Variants in NRG1 observed in about 807,000 individuals in gnomAD.
The protein encoded by NRG1 is neuregulin 1, also known as pro-neuregulin-1, membrane-bound isoform.
Under a neutral mutation model 63.8 loss-of-function variants are expected in NRG1, and 18 were observed. The ratio of observed to expected loss-of-function variants is 0.28; its 90% confidence interval spans 0.19 to 0.42. The LOEUF is 0.42. Among genes scored for constraint, NRG1 ranks in the 10% least tolerant of loss-of-function variants. The pLI is 1.00. For missense variants in NRG1, 762 were observed against 814.7 expected (o/e 0.94, Z 0.79); for synonymous variants, 302 against 301.3 (o/e 1.00, Z -0.02).
chr8:31,842,639 AC>A, intron 1 of NRG1, among the ~76,000 whole-genome samples: 1 of 110,430 alleles, frequency 9.1e-6, no homozygotes, highest in East Asian at 2.9e-4. Context: ...ATCATGTCTA[AC>A]TTTTTGTCTT....
intron 1 of NRG1, among the ~76,000 whole-genome samples, chr8:32,312,419 C>T (rs909040627): frequency 6.7e-6 from 1 of 149,034 alleles, no homozygotes. Context: ...AAGTGCTCCA[C>T]CTGCCTCGGC....
At chr8:31,669,944 G>A (rs1806952319) in intron 1 of NRG1, among the ~76,000 whole-genome samples, 1 of 152,116 alleles carries the variant, frequency 6.6e-6, no homozygotes, top group Non-Finnish European at 1.5e-5. Context: ...AGATGGTGGA[G>A]TATCTCAGGT....
intron 1 of NRG1, among the ~76,000 whole-genome samples, chr8:31,666,282 A>G (rs1323354728): frequency 6.6e-6 from 1 of 152,206 alleles, no homozygotes; most frequent in East Asian, 1.9e-4. Flanking sequence ...TAAGCTTTGC[A>G]TTAAAAAATA....
At chr8:31,791,390 T>C (rs2131664284) in intron 1 of NRG1, among the ~76,000 whole-genome samples, 1 of 152,244 alleles carries the variant, frequency 6.6e-6, no homozygotes, top group African/African-American at 2.4e-5. Context: ...CAGTAATTAT[T>C]CATTAGTACT....
chr8:32,771,276 ATTTTT>A (rs553989637), downstream of NRG1, among the ~76,000 whole-genome samples: 11 of 92,764 alleles, frequency 1.2e-4, no homozygotes, highest in East Asian at 2.7e-4. Context: ...ATGCCCAGCG[ATTTTT>A]TTTTTTTTTT....
At chr8:32,561,204 A>G (rs1836331813) in intron 1 of NRG1, among the ~76,000 whole-genome samples, 1 of 152,200 alleles carries the variant, frequency 6.6e-6, no homozygotes, top group Non-Finnish European at 1.5e-5. Flanking sequence ...ATGGCACTAT[A>G]TATGAATTCA....
intron 1 of NRG1, among the ~76,000 whole-genome samples, chr8:32,440,333 T>A (rs1403978770): frequency 6.6e-6 from 1 of 152,092 alleles, no homozygotes; most frequent in Non-Finnish European, 1.5e-5. Context: ...CTTTTCTTTT[T>A]GGTAGATATG....
chr8:32,113,534 C>T (rs533430855), intron 1 of NRG1, among the ~76,000 whole-genome samples: 11 of 152,272 alleles, frequency 7.2e-5, no homozygotes, highest in African/African-American at 2.4e-4. Flanking sequence ...ATCTTGACTA[C>T]CTCCCTGTTC....
chr8:32,654,367 G>A (rs560843977), intron 5 of NRG1, among the ~76,000 whole-genome samples: 3 of 152,258 alleles, frequency 2.0e-5, no homozygotes, highest in East Asian at 1.9e-4. Flanking sequence ...GGTGGCTTAC[G>A]CCTGTAATCC....
intron 5 of NRG1, among the ~76,000 whole-genome samples, chr8:32,711,083 A>T (rs762378462): frequency 6.6e-6 from 1 of 152,150 alleles, no homozygotes; most frequent in Non-Finnish European, 1.5e-5. Flanking sequence ...AAGGTGACAT[A>T]TATAGTTCTG....
At chr8:32,704,490 C>A (rs1281506818) in intron 5 of NRG1, among the ~76,000 whole-genome samples, 5 of 152,070 alleles carry the variant, frequency 3.3e-5, no homozygotes, top group Non-Finnish European at 7.4e-5. Context: ...AAATAAAAAA[C>A]AAGCAATCAT....
intron 1 of NRG1, among the ~76,000 whole-genome samples, chr8:32,144,901 T>C (rs961347007): frequency 3.3e-5 from 5 of 152,336 alleles, no homozygotes; most frequent in African/African-American, 4.8e-5. Context: ...TGTGTGTTAA[T>C]TTTTTAATAT....
chr8:32,465,631 T>C (rs923141539), intron 1 of NRG1, among the ~76,000 whole-genome samples: 2 of 152,220 alleles, frequency 1.3e-5, no homozygotes, highest in African/African-American at 4.8e-5. Context: ...ATTAAAATTT[T>C]CAAAAACACT....
chr8:32,018,044 T>C (rs2130129179), intron 1 of NRG1, among the ~76,000 whole-genome samples: 1 of 152,300 alleles, frequency 6.6e-6, no homozygotes, highest in East Asian at 1.9e-4. Flanking sequence ...ATCATTAGAA[T>C]ATGAAAATAT....
intron 1 of NRG1, among the ~76,000 whole-genome samples, chr8:32,303,129 C>T (rs967651740): frequency 7.4e-6 from 1 of 134,506 alleles, no homozygotes; most frequent in Non-Finnish European, 1.5e-5. Flanking sequence ...TTGCAGTGAG[C>T]CAGATTGCAC....
intron 1 of NRG1, among the ~76,000 whole-genome samples, chr8:32,385,219 G>T (rs1162662604): frequency 6.6e-6 from 1 of 151,928 alleles, no homozygotes; most frequent in Non-Finnish European, 1.5e-5. Context: ...GTAGAGACAG[G>T]GTTTCACCAT....
At chr8:32,507,988 G>A (rs191596522) in intron 1 of NRG1, among the ~76,000 whole-genome samples, 64 of 152,254 alleles carry the variant, frequency 4.2e-4, no homozygotes, top group African/African-American at 1.3e-3. Flanking sequence ...ATGAGCCACC[G>A]TACCCAGACT....
At chr8:32,743,127 A>G (rs1826742134) in intron 7 of NRG1, 1 of 1,002,008 alleles carries the variant, frequency 1.0e-6, no homozygotes, top group Non-Finnish European at 1.2e-6. Flanking sequence ...CATCCTGAAA[A>G]GGGTGTTGCT....
chr8:32,754,564 T>A (rs1829331996), intron 8 of NRG1, 90 bp downstream of exon 8: 1 of 1,174,642 alleles, frequency 8.5e-7, no homozygotes, highest in Non-Finnish European at 1.2e-6. Flanking sequence ...CTCCACAGCC[T>A]AGTCTTGGGG....
Sources: allele counts gnomAD v4.1 joint callset (sites outside exome capture counted in the v4.1 genomes callset), GRCh38; gene constraint gnomAD v4.1.1; transcripts MANE v1.5; gene names NCBI Gene and HGNC (gene_info 2026-07-23, HGNC 2026-07-21).